Variants in KMT2A observed in about 807,000 individuals in gnomAD.
KMT2A encodes lysine methyltransferase 2A.
A neutral mutation model predicts 345.3 loss-of-function variants in KMT2A; 16 were observed. The observed-to-expected ratio is 0.05, with a 90% CI of 0.03 to 0.07. KMT2A has a LOEUF of 0.07. Ranked by LOEUF, KMT2A falls within the 10% of genes least tolerant of loss-of-function variation. The pLI is 1.00. For missense variants in KMT2A, 3,272 were observed against 4,841.6 expected (o/e 0.68, Z 9.62); for synonymous variants, 1,599 against 1,778.6 (o/e 0.90, Z 2.54).
chr11:118,509,559 G>A (rs782444905), intron 29 of KMT2A, among the ~76,000 whole-genome samples: 3 of 151,994 alleles, frequency 2.0e-5, no homozygotes, highest in Non-Finnish European at 4.4e-5. Context: ...TCAGATTTTG[G>A]TTACAATACC....
At position 118,498,173 on chromosome 11, in the gene KMT2A, C is replaced by T; in HGVS notation, c.5802+100C>T. The T allele has an allele frequency of 7.5e-7, 1 of 1,335,514 alleles. No homozygotes were observed. Among genetic ancestry groups the T allele is most frequent in the Non-Finnish European group, 1.0e-6 (1 of 954,330 alleles). The allele number at this position is 1,335,514 out of a possible 1,614,324, so 82.7% of individuals were successfully genotyped here. A position where few individuals can be genotyped will look rare whatever the true frequency, so the allele number is the denominator to read the frequency against. ...GGCCTCCCTGATATTTTTCACAGTGCCATCAGGGTAGTTAGCCAACAAGTA... is the reference window on the plus strand; with the variant it reads ...GGCCTCCCTGATATTTTTCACAGTGTCATCAGGGTAGTTAGCCAACAAGTA... On this transcript the variant is annotated intron_variant, in intron 21 of 35. Transcript: ENST00000534358. The surrounding 1 kb of genome is among the most constrained non-coding windows in gnomAD (Gnocchi z 4.4).
intron 6 of KMT2A, among the ~76,000 whole-genome samples, chr11:118,481,162 G>A (rs1470366885): frequency 6.6e-6 from 1 of 151,870 alleles, no homozygotes; most frequent in Non-Finnish European, 1.5e-5. Flanking sequence ...TCACCCTGTT[G>A]TACTATCAAA....
chr11:118,453,032 C>G (rs1053354043), intron 1 of KMT2A, among the ~76,000 whole-genome samples: 5 of 152,114 alleles, frequency 3.3e-5, no homozygotes, highest in Non-Finnish European at 5.9e-5. Context: ...CTCATCTCTC[C>G]TGCTGCATAG....
intron 31 of KMT2A, among the ~76,000 whole-genome samples, chr11:118,516,346 C>T (rs1237204514): frequency 6.6e-6 from 1 of 151,994 alleles, no homozygotes; most frequent in East Asian, 1.9e-4. Flanking sequence ...ATACATAAAG[C>T]GAAAGTCCTC....
chr11:118,515,385 G>A (rs1555051339), intron 31 of KMT2A, among the ~76,000 whole-genome samples: 1 of 152,116 alleles, frequency 6.6e-6, no homozygotes, highest in East Asian at 1.9e-4. Flanking sequence ...ACTCTTAACT[G>A]ATTTAAAGAG....
chr11:118,509,083 C>A (rs2134426050), intron 28 of KMT2A, 53 bp from the exon 29 acceptor site: 1 of 1,526,674 alleles, frequency 6.6e-7, no homozygotes, highest in Non-Finnish European at 9.0e-7. Context: ...TGGGTTTTTT[C>A]TTTGAATTGA....
chr11:118,458,998 A>C (rs1472558346), intron 1 of KMT2A, among the ~76,000 whole-genome samples: 1 of 152,202 alleles, frequency 6.6e-6, no homozygotes, highest in Non-Finnish European at 1.5e-5. Context: ...GATACTGTCT[A>C]TGGTATTGAT....
chr11:118,505,943 A>G lies in KMT2A; in HGVS notation c.10051A>G (p.Thr3351Ala), dbSNP rs782468587. 1 of 1,614,134 alleles carries G rather than the reference A, an allele frequency of 6.2e-7. No homozygotes were observed. Among genetic ancestry groups the G allele is most frequent in the East Asian group, 2.2e-5 (1 of 44,876 alleles). Residue 3351 changes from threonine to alanine, a missense_variant, in exon 27 of 36, where the codon ACT becomes GCT. Around this residue, in one of 27 missense-constraint regions of KMT2A, gnomAD observed 748 missense variants for 922.2 expected, o/e 0.81. Transcript: ENST00000534358. The surrounding 1 kb of genome is among the most constrained non-coding windows in gnomAD (Gnocchi z 4.6). ...TGTCTTGAATGTTGTATCCATGCAA[A>G]CTACCACAACCCCTACAAGTAGTGC... ...SSVLNVVSMQTTTTPTSSASV... is the reference protein window; with the variant it reads ...SSVLNVVSMQATTTPTSSASV...
In KMT2A at chr11:118,506,492, C is replaced by T. The variant is rs2134414109; in HGVS notation, c.10600C>T (p.Pro3534Ser). The T allele has an allele frequency of 2.5e-6, 4 of 1,614,186 alleles. No individual in the cohort carries two copies. The highest frequency in any genetic ancestry group is 1.1e-5 in the South Asian group (1 of 91,084). The stretch of plus-strand genomic sequence containing the variant: ...ACAGCGGTCAGCAAGCCCTTCAGTG[C>T]CGGGTCCCACTAAACCCAAACCAAA... Reference protein sequence around the residue: ...SGQRSASPSVPGPTKPKPKTK... With the variant: ...SGQRSASPSVSGPTKPKPKTK... The change falls in exon 27 of 36, where the codon CCG becomes TCG. Residue 3534 changes from proline (P) to serine (S), a missense_variant. Coordinates refer to ENST00000534358, the MANE Select transcript of KMT2A (RefSeq NM_001197104.2).
chr11:118,525,064 G>A lies in KMT2A; in HGVS notation c.*2892G>A, dbSNP rs1555055085. 2.3e-5 allele frequency: 5 copies of A among 216,140 alleles called. No homozygotes were observed. Among genetic ancestry groups the A allele is most frequent in the Non-Finnish European group, 2.8e-5 (3 of 107,034 alleles). 13.4% of individuals were successfully genotyped at this position (216,140 alleles called of 1,614,324 possible). A position where few individuals can be genotyped will look rare whatever the true frequency, so the allele number is the denominator to read the frequency against. ...TTCAGCACACCTGCCAGCAACTTGG[G>A]GGAATAAGCGAAGGTTTCCCTACAA... On this transcript the variant is annotated 3_prime_UTR_variant, in exon 36 of 36. Transcript: ENST00000534358.
At chr11:118,480,414 G>A (rs1415632296) in intron 6 of KMT2A, among the ~76,000 whole-genome samples, 176 bp downstream of exon 6, 5 of 151,656 alleles carry the variant, frequency 3.3e-5, no homozygotes, top group Admixed American at 1.3e-4. Context: ...TCCTGTATTG[G>A]GGGATATTTT....
At position 118,505,889 on chromosome 11, in the gene KMT2A, T is replaced by G. The variant is rs1591285701; in HGVS notation, c.9997T>G (p.Ser3333Ala). 6.2e-7 allele frequency: 1 copy of G among 1,614,062 alleles called. No individual in the cohort carries two copies. The highest frequency in any genetic ancestry group is 8.5e-7 in the Non-Finnish European group (1 of 1,180,018). ...GGATACTAGCCACCTCACATCAGGG[T>G]CTGTGTCTGGCTTGGCATCCAGTTC... Reference protein sequence around the residue: ...SQDTSHLTSGSVSGLASSSSV... With the variant: ...SQDTSHLTSGAVSGLASSSSV... Residue 3333 changes from serine to alanine, a missense_variant, in exon 27 of 36, where the codon TCT becomes GCT. Coordinates refer to ENST00000534358, the MANE Select transcript of KMT2A (RefSeq NM_001197104.2). This position sits in a 1 kb window ranked among gnomAD's most constrained non-coding sequence, Gnocchi z 4.6.
At chr11:118,482,563 C>G (rs1950153365) in intron 8 of KMT2A, 68 bp downstream of exon 8, 5 of 1,169,060 alleles carry the variant, frequency 4.3e-6, no homozygotes, top group Non-Finnish European at 6.3e-6. Context: ...AAAGCCTTAT[C>G]CTTGACTTCT....
chr11:118,518,652 G>A (rs372974093), intron 31 of KMT2A, among the ~76,000 whole-genome samples: 2 of 152,002 alleles, frequency 1.3e-5, no homozygotes, highest in East Asian at 1.9e-4. Flanking sequence ...GCATGGTGAC[G>A]TGCCCCTGTA....
At chr11:118,455,740 C>A (rs1157019793) in intron 1 of KMT2A, among the ~76,000 whole-genome samples, 1 of 151,134 alleles carries the variant, frequency 6.6e-6, no homozygotes, top group Non-Finnish European at 1.5e-5. Flanking sequence ...CTCTGTTATC[C>A]AGGCTGGAGT....
At position 118,506,232 on chromosome 11, in the gene KMT2A, G is replaced by A. The variant is rs1950580505; in HGVS notation, c.10340G>A (p.Gly3447Glu). 6.2e-7 allele frequency: 1 copy of A among 1,614,138 alleles called. No individual in the cohort carries two copies. The highest frequency in any genetic ancestry group is 8.5e-7 in the Non-Finnish European group (1 of 1,180,034). The stretch of plus-strand genomic sequence containing the variant: ...GGCATAACAGCCGCTTCACCTTCTG[G>A]GGAAGCAGACGAACACTATCAGCTT... ...TTGITAASPS[G>E]EADEHYQLQH... The change falls in exon 27 of 36, where the codon GGG becomes GAG. Residue 3447 changes from glycine to glutamate, a missense_variant. Physicochemically the swap from Gly to Glu is moderately conservative, Grantham distance 98. Around this residue, in one of 27 missense-constraint regions of KMT2A, gnomAD observed 748 missense variants for 922.2 expected, o/e 0.81. Transcript: ENST00000534358.
In KMT2A at chr11:118,498,604, A is replaced by G; in HGVS notation, c.5961+76A>G. ...CAGTTTTAGGTTCACAGCAAAATTG[A>G]CTGGAAGGTACAGAGATTTCCCATA... is the stretch of plus-strand genomic sequence containing the variant. On this transcript the variant is annotated intron_variant, in intron 22 of 35. Transcript: ENST00000534358. The surrounding 1 kb of genome is among the most constrained non-coding windows in gnomAD (Gnocchi z 4.4). The G allele has an allele frequency of 2.1e-6, 3 of 1,441,594 alleles. No individual in the cohort carries two copies. The highest frequency in any genetic ancestry group is 2.8e-6 in the Non-Finnish European group (3 of 1,075,572). The allele number at this position is 1,441,594 out of a possible 1,614,324, so 89.3% of individuals were successfully genotyped here.
Position 118,505,560 on chromosome 11 carries a change from A to T in KMT2A, c.9668A>T (p.Lys3223Ile), listed in dbSNP as rs782738899. Residue 3223 changes from lysine (K) to isoleucine (I), a missense_variant, in exon 27 of 36, where the codon AAA (lysine) becomes ATA (isoleucine). Coordinates refer to ENST00000534358, the MANE Select transcript of KMT2A (RefSeq NM_001197104.2). The surrounding 1 kb of genome is among the most constrained non-coding windows in gnomAD (Gnocchi z 4.6). The part of the protein sequence containing the change: ...TVATPSSGLK[K>I]RPISRLQTRK... ...GCCACTCCATCCTCTGGACTCAAGAAAAGACCCATATCTCGTCTACAGACC... is the reference window on the plus strand; with the variant it reads ...GCCACTCCATCCTCTGGACTCAAGATAAGACCCATATCTCGTCTACAGACC... 3.4e-5 allele frequency: 55 copies of T among 1,614,050 alleles called. 1 individual carries two copies. Among genetic ancestry groups the T allele is most frequent in the Non-Finnish European group, 4.5e-5 (53 of 1,180,042 alleles).
chr11:118,511,658 C>G (rs1267192363), intron 30 of KMT2A, among the ~76,000 whole-genome samples: 2 of 152,176 alleles, frequency 1.3e-5, no homozygotes, highest in Non-Finnish European at 2.9e-5. Context: ...CCCAGACTTC[C>G]ATCAAGGGAT....
Sources: gnomAD v4.1 joint callset for allele counts (sites outside exome capture counted in the v4.1 genomes callset) on GRCh38, gnomAD v4.1.1 for gene constraint, gnomAD v4.1.1 regional missense constraint, Gnocchi (gnomAD v3.1) non-coding constraint, MANE v1.5 for transcripts, NCBI Gene and HGNC (gene_info 2026-07-23, HGNC 2026-07-21) for gene names.